MON2: variants seen among roughly 807,000 people sequenced by gnomAD.
The protein encoded by MON2 is MON2 regulator of endosome-to-Golgi trafficking, also known as protein MON2 homolog.
In MON2, 84 loss-of-function variants were observed where a neutral mutation model predicts 208.6. The ratio of observed to expected loss-of-function variants is 0.40; its 90% confidence interval spans 0.34 to 0.48. The LOEUF (loss-of-function observed/expected upper bound fraction) is 0.48, where lower values mean the gene tolerates loss of function less well. Among genes scored for constraint, MON2 ranks in the 20% least tolerant of loss-of-function variants. MON2 has a pLI of 0.59. For synonymous variants in MON2, 660 were observed against 694.0 expected, an observed-to-expected ratio of 0.95 and a Z score of 0.77; for missense variants, 1,611 against 2,015.4, an observed-to-expected ratio of 0.80 and a Z score of 3.84.
At chr12:62,567,424 A>G (rs1197881081) in intron 29 of MON2, among the ~76,000 whole-genome samples, 3 of 152,154 alleles carry the variant, frequency 2.0e-5, no homozygotes, top group Non-Finnish European at 4.4e-5. Flanking sequence ...GCCTTCACCT[A>G]GTCACCACTC....
intron 2 of MON2, among the ~76,000 whole-genome samples, chr12:62,485,258 G>A (rs1378093281): frequency 6.6e-6 from 1 of 152,176 alleles, no homozygotes; most frequent in Non-Finnish European, 1.5e-5. Context: ...GTTGATCTCA[G>A]CTAATCTATG....
At chr12:62,492,685 T>G (rs1189408579) in intron 2 of MON2, among the ~76,000 whole-genome samples, 1 of 140,248 alleles carries the variant, frequency 7.1e-6, no homozygotes. Flanking sequence ...GTTCTTATAA[T>G]AAAAAATAAT....
chr12:62,540,268 T>C (rs1378509450), intron 19 of MON2, among the ~76,000 whole-genome samples: 1 of 152,166 alleles, frequency 6.6e-6, no homozygotes, highest in Non-Finnish European at 1.5e-5. Flanking sequence ...AGCTACTTGG[T>C]TCATAGTTAG....
intron 23 of MON2, among the ~76,000 whole-genome samples, chr12:62,552,638 T>TA (rs1265790329): frequency 1.4e-4 from 22 of 152,052 alleles, no homozygotes; most frequent in Middle Eastern, 3.4e-3. Context: ...TGACATTTTT[T>TA]ATAATAAAAA....
intron 8 of MON2, among the ~76,000 whole-genome samples, chr12:62,516,226 A>G (rs1446199097): frequency 2.6e-5 from 4 of 152,196 alleles, no homozygotes; most frequent in Non-Finnish European, 4.4e-5. Context: ...AGTTAAAACA[A>G]TTGAACGAAT....
At chr12:62,496,006 C>T (rs2070461230) in intron 4 of MON2, among the ~76,000 whole-genome samples, 1 of 151,934 alleles carries the variant, frequency 6.6e-6, no homozygotes, top group African/African-American at 2.4e-5. Context: ...AGTACCATAG[C>T]AGTAAATGAA....
At position 62,532,419 on chromosome 12, in the gene MON2, A is replaced by G. The variant is rs374619950; in HGVS notation, c.1401-19A>G. The G allele has an allele frequency of 1.1e-4, 171 of 1,556,086 alleles. 1 individual carries two copies. The African/African-American group carries it at 2.2e-3, about 20-fold the overall frequency. The stretch of plus-strand genomic sequence containing the variant: ...TGTTGTGGCTTCTCATTAGTATTCT[A>G]TATTTTTCATAATTTCAGCTTAGAA... On this transcript the variant is annotated intron_variant, in intron 11 of 34. Transcript: ENST00000393630.
intron 26 of MON2, among the ~76,000 whole-genome samples, chr12:62,561,669 G>T (rs372747774): frequency 1.1e-3 from 162 of 152,144 alleles, no homozygotes; most frequent in Admixed American, 1.8e-3. Flanking sequence ...AGCAAGCAAG[G>T]CTAGATCAAA....
chr12:62,512,253 A>G (rs2071445634), intron 8 of MON2, among the ~76,000 whole-genome samples: 1 of 152,194 alleles, frequency 6.6e-6, no homozygotes, highest in African/African-American at 2.4e-5. Context: ...GCATTAACTC[A>G]GAAGTCCACA....
In MON2 at chr12:62,560,750, T is replaced by A; in HGVS notation, c.3669T>A (p.Ser1223Arg). The A allele has an allele frequency of 6.2e-7, 1 of 1,614,160 alleles. No homozygotes were observed. The highest frequency in any genetic ancestry group is 8.5e-7 in the Non-Finnish European group (1 of 1,180,014). ...DSIGEKLGRY[S>R]SSEPPIVTDE... ...TTGGAGAAAAACTAGGAAGATATAG[T>A]AGCTCTGAGCCACCCATTGTTACTG... Residue 1223 changes from serine (S) to arginine (R), a missense_variant, in exon 26 of 35, where the codon AGT becomes AGA. By Grantham distance (110) the Ser-to-Arg change is moderately radical. Coordinates refer to ENST00000393630, the MANE Select transcript of MON2 (RefSeq NM_015026.3).
In MON2 at chr12:62,498,945, C is replaced by T. The variant is rs761251983; in HGVS notation, c.462C>T (p.His154=). The T allele has an allele frequency of 2.5e-6, 4 of 1,608,382 alleles. No individual in the cohort carries two copies. Among genetic ancestry groups the T allele is most frequent in the Non-Finnish European group, 3.4e-6 (4 of 1,177,930 alleles). The change falls in exon 5 of 35, where the codon CAC becomes CAT. Residue 154 remains histidine (H), a synonymous_variant. Transcript: ENST00000393630. ...CAATCGTTCTTTGTTTTCGACTACA[C>T]TTCACAAAAGATAATATTACAAATA... The part of the protein sequence containing the change: ...SKAIVLCFRL[H]FTKDNITNNT...
At chr12:62,569,772 A>G (rs1270411240) in intron 29 of MON2, among the ~76,000 whole-genome samples, 3 of 152,126 alleles carry the variant, frequency 2.0e-5, no homozygotes, top group Admixed American at 2.0e-4. Context: ...CCCAAAGCAC[A>G]TGGATTATAT....
At chr12:62,528,015 G>A (rs191025008) in intron 11 of MON2, among the ~76,000 whole-genome samples, 2 of 152,196 alleles carry the variant, frequency 1.3e-5, no homozygotes, top group Non-Finnish European at 2.9e-5. Context: ...GATTTCACTT[G>A]ATCTTAATTT....
chr12:62,584,661 CCA>C (rs1243350575), intron 32 of MON2, among the ~76,000 whole-genome samples: 1 of 147,068 alleles, frequency 6.8e-6, no homozygotes, highest in Non-Finnish European at 1.5e-5. Context: ...CAAGATTACA[CCA>C]CTGCACTCCT....
At chr12:62,485,879 T>G (rs2136011350) in intron 2 of MON2, among the ~76,000 whole-genome samples, 1 of 152,264 alleles carries the variant, frequency 6.6e-6, no homozygotes, top group South Asian at 2.1e-4. Flanking sequence ...AATTTTTGTA[T>G]TTTTAGTAGA....
In MON2 at chr12:62,592,949, G is replaced by T; in HGVS notation, c.*200G>T. ...CAAAGGCTCCTGAATGAACAGCAGT[G>T]TAAGGCTTTAATAAATTAAACTGAT... On this transcript the variant is annotated 3_prime_UTR_variant, in exon 35 of 35. Coordinates refer to ENST00000393630, the MANE Select transcript of MON2 (RefSeq NM_015026.3). 1 of 463,498 alleles carries T rather than the reference G, an allele frequency of 2.2e-6. No individual in the cohort carries two copies. The highest frequency in any genetic ancestry group is 4.5e-5 in the South Asian group (1 of 22,054). 28.7% of individuals were successfully genotyped at this position (463,498 alleles called of 1,614,324 possible).
chr12:62,514,926 A>C (rs2136140447), intron 8 of MON2, among the ~76,000 whole-genome samples: 1 of 152,352 alleles, frequency 6.6e-6, no homozygotes, highest in African/African-American at 2.4e-5. Context: ...GCAAAACTGT[A>C]ATGAGGCTTA....
intron 30 of MON2, among the ~76,000 whole-genome samples, chr12:62,575,225 G>T (rs780223593): frequency 3.5e-4 from 54 of 152,292 alleles, no homozygotes; most frequent in Middle Eastern, 6.8e-3. Flanking sequence ...TTTAGTTTTT[G>T]TTTCATAGTT....
At chr12:62,504,089 G>A (rs1172432430) in intron 7 of MON2, among the ~76,000 whole-genome samples, 1 of 152,000 alleles carries the variant, frequency 6.6e-6, no homozygotes, top group Non-Finnish European at 1.5e-5. Flanking sequence ...GGTGTCTTTA[G>A]TAATAGTGCC....
Sources: gnomAD v4.1 joint callset for allele counts (sites outside exome capture counted in the v4.1 genomes callset) on GRCh38, gnomAD v4.1.1 for gene constraint, MANE v1.5 for transcripts, NCBI Gene and HGNC (gene_info 2026-07-23, HGNC 2026-07-21) for gene names.